Variants in RAB27B observed in about 807,000 individuals in gnomAD.
The protein encoded by RAB27B is RAB27B, member RAS oncogene family.
A neutral mutation model predicts 24.6 loss-of-function variants in RAB27B; 15 were observed. The observed-to-expected ratio is 0.61, with a 90% CI of 0.41 to 0.94. RAB27B has a LOEUF of 0.94. RAB27B is among the 40% of genes least tolerant of loss of function. The pLI, the probability that RAB27B is intolerant of heterozygous loss-of-function variation, is 0.00. For synonymous variants in RAB27B, 105 were observed against 92.5 expected, an observed-to-expected ratio of 1.14 and a Z score of -0.78; for missense variants, 261 against 266.8, an observed-to-expected ratio of 0.98 and a Z score of 0.15.
At chr18:54,804,896 T>TTCTC (rs145922058) in intron 2 of RAB27B, among the ~76,000 whole-genome samples, 2 of 18,190 alleles carry the variant, frequency 1.1e-4, no homozygotes, top group African/African-American at 1.9e-4. Flanking sequence ...TTCTTTCTCT[T>TTCTC]TCTCTCTCTC....
rs568578521 is a variant in RAB27B at position 54,893,490 on chromosome 18, C to G, written c.*4077C>G. ...TTTTAAGATGCCAAGATGCTGCCTA[C>G]GTTTGCAAAAGTTGTCTAAGAATTC... On this transcript the variant is annotated 3_prime_UTR_variant, in exon 6 of 6. Transcript: ENST00000262094. The G allele has an allele frequency of 3.3e-5, 5 of 152,096 alleles. No homozygotes were observed. The East Asian group carries it at 7.7e-4, about 23-fold the overall frequency. The allele number at this position is 152,096 out of a possible 1,614,324, so 9.4% of individuals were successfully genotyped here.
At chr18:54,731,724 A>T (rs897427755) in intron 2 of RAB27B, among the ~76,000 whole-genome samples, 1 of 152,178 alleles carries the variant, frequency 6.6e-6, no homozygotes, top group Non-Finnish European at 1.5e-5. Flanking sequence ...AAGTATACAT[A>T]CACATTCTTT....
chr18:54,781,428 C>T (rs1598899967), intron 2 of RAB27B, among the ~76,000 whole-genome samples: 1 of 151,974 alleles, frequency 6.6e-6, no homozygotes, highest in Non-Finnish European at 1.5e-5. Flanking sequence ...TAGTATTAGC[C>T]ATGATTCAAG....
At chr18:54,876,646 C>T (rs773789736) in intron 1 of RAB27B, among the ~76,000 whole-genome samples, 21 of 151,776 alleles carry the variant, frequency 1.4e-4, no homozygotes, top group Admixed American at 3.9e-4. Context: ...CTGGTATTCT[C>T]GGTGTTACTG....
intron 2 of RAB27B, among the ~76,000 whole-genome samples, chr18:54,754,160 TC>T (rs144474898): frequency 0.18 from 26,937 of 152,072 alleles, 2,632 homozygotes; most frequent in African/African-American, 0.25. Flanking sequence ...AAGGGCAATT[TC>T]CCCCACGCTG....
chr18:54,887,688 G>T (rs1913201615), intron 4 of RAB27B, among the ~76,000 whole-genome samples: 1 of 151,972 alleles, frequency 6.6e-6, no homozygotes, highest in South Asian at 2.1e-4. Flanking sequence ...TCTTCCAAAG[G>T]AATACATATG....
chr18:54,745,328 C>A, intron 2 of RAB27B: 1 of 179,594 alleles, frequency 5.6e-6, no homozygotes, highest in Non-Finnish European at 1.2e-5. Context: ...GGAGGTCATG[C>A]CTGATCACTA....
intron 2 of RAB27B, among the ~76,000 whole-genome samples, chr18:54,761,789 T>A (rs1908198084): frequency 6.6e-6 from 1 of 152,220 alleles, no homozygotes; most frequent in South Asian, 2.1e-4. Flanking sequence ...ATTGTTGATA[T>A]CTGAATGGCC....
At chr18:54,768,787 A>G (rs191153412) in intron 2 of RAB27B, among the ~76,000 whole-genome samples, 46 of 152,210 alleles carry the variant, frequency 3.0e-4, no homozygotes, top group African/African-American at 1.0e-3. Flanking sequence ...AACGGGGGAA[A>G]TGACAGACAC....
chr18:54,752,041 C>T (rs1212993158), intron 2 of RAB27B, among the ~76,000 whole-genome samples: 2 of 152,098 alleles, frequency 1.3e-5, no homozygotes, highest in African/African-American at 2.4e-5. Context: ...TAGTTCTTCC[C>T]GTCACAGAAG....
At chr18:54,807,580 G>T (rs1909831656) in intron 2 of RAB27B, among the ~76,000 whole-genome samples, 1 of 152,132 alleles carries the variant, frequency 6.6e-6, no homozygotes, top group South Asian at 2.1e-4. Flanking sequence ...TCATCTGGTT[G>T]CCAGCTATGG....
intron 2 of RAB27B, among the ~76,000 whole-genome samples, chr18:54,742,139 G>A (rs954654983): frequency 6.6e-6 from 1 of 152,158 alleles, no homozygotes; most frequent in Admixed American, 6.5e-5. Context: ...TTTCTGATTA[G>A]GACAAATGAC....
At chr18:54,879,635 T>A in intron 3 of RAB27B, 181 bp downstream of exon 3, 1 of 535,054 alleles carries the variant, frequency 1.9e-6, no homozygotes, top group Admixed American at 3.2e-5. Flanking sequence ...AGTAGCACTG[T>A]GCAGTTGGTA....
chr18:54,816,393 C>T (rs1240885015), intron 2 of RAB27B, among the ~76,000 whole-genome samples: 1 of 152,176 alleles, frequency 6.6e-6, no homozygotes, highest in Non-Finnish European at 1.5e-5. Context: ...TTTTCAAAAA[C>T]TTGTATTTGT....
At position 54,759,681 on chromosome 18, in the gene RAB27B, C is replaced by A. The variant is rs554016379; in HGVS notation, c.-20+41540C>A. On this transcript the variant is annotated intron_variant, in intron 2 of 4. Transcript: ENST00000586570. ...CGCTGTTTGGCCCACCCCTCCCCAC[C>A]ATCCTGTACCCATAAAAAGCCCAGG... is the stretch of plus-strand genomic sequence containing the variant. Among the ~76,000 whole-genome samples the A allele has an allele frequency of 7.9e-4, 120 of 152,284 alleles. No individual in the cohort carries two copies. In the South Asian group the frequency reaches 9.5e-3, roughly 12 times the overall value.
At chr18:54,797,491 G>A (rs1480126545) in intron 2 of RAB27B, among the ~76,000 whole-genome samples, 2 of 152,140 alleles carry the variant, frequency 1.3e-5, no homozygotes, top group Non-Finnish European at 2.9e-5. Flanking sequence ...ACTCCAATTT[G>A]GGCCACAGAG....
chr18:54,851,382 C>T (rs1911580978), intron 1 of RAB27B, among the ~76,000 whole-genome samples: 1 of 152,118 alleles, frequency 6.6e-6, no homozygotes, highest in African/African-American at 2.4e-5. Flanking sequence ...TTGTCTCCTG[C>T]CATAGTTCAT....
chr18:54,865,237 T>TGTGTG (rs1912166481), intron 1 of RAB27B, among the ~76,000 whole-genome samples: 42 of 143,486 alleles, frequency 2.9e-4, no homozygotes, highest in Non-Finnish European at 4.7e-4. Flanking sequence ...CAATGGCCTT[T>TGTGTG]TGTGTGTGTG....
chr18:54,866,279 GCCTCCCCGC>G (rs1912219807), intron 1 of RAB27B, among the ~76,000 whole-genome samples: 2 of 132,524 alleles, frequency 1.5e-5, no homozygotes, highest in Admixed American at 7.7e-5. Context: ...CCGCCTCCCC[GCCTCCCCGC>G]CCCTGCCCCC....
Sources: gnomAD v4.1 joint callset for allele counts (sites outside exome capture counted in the v4.1 genomes callset) on GRCh38, gnomAD v4.1.1 for gene constraint, MANE v1.5 for transcripts, NCBI Gene and HGNC (gene_info 2026-07-23, HGNC 2026-07-21) for gene names.